NUF2: variants seen among roughly 807,000 people sequenced by gnomAD.
NUF2 encodes the protein NUF2 component of NDC80 kinetochore complex.
A neutral mutation model predicts 61.8 loss-of-function variants in NUF2; 34 were observed. The ratio of observed to expected loss-of-function variants is 0.55; its 90% CI spans 0.42 to 0.73. The LOEUF (loss-of-function observed/expected upper bound fraction) is 0.73, where lower values mean the gene tolerates loss of function less well. NUF2 is among the 30% of genes least tolerant of loss of function. The pLI is 0.00. For synonymous variants in NUF2, 172 were observed against 181.6 expected, an observed-to-expected ratio of 0.95 and a Z score of 0.42; for missense variants, 445 against 539.1, an observed-to-expected ratio of 0.83 and a Z score of 1.73.
chr1:163,330,622 T>C (rs1392724648), intron 5 of NUF2, among the ~76,000 whole-genome samples: 1 of 152,132 alleles, frequency 6.6e-6, no homozygotes, highest in Non-Finnish European at 1.5e-5. Flanking sequence ...GCCATTTTGA[T>C]TGAGATTACT....
intron 13 of NUF2, among the ~76,000 whole-genome samples, chr1:163,351,379 A>ATTTT (rs1651312523): frequency 6.6e-6 from 1 of 152,166 alleles, no homozygotes; most frequent in Non-Finnish European, 1.5e-5. Flanking sequence ...ATACTTTAGC[A>ATTTT]CAACTGTTAC....
At chr1:163,322,425 C>T (rs1371240585) in intron 1 of NUF2, among the ~76,000 whole-genome samples, 1 of 152,210 alleles carries the variant, frequency 6.6e-6, no homozygotes, top group Non-Finnish European at 1.5e-5. Flanking sequence ...TGCTTGTCAG[C>T]TTTTTACACA....
chr1:163,323,288 T>C (rs994669562), intron 1 of NUF2, among the ~76,000 whole-genome samples: 4 of 152,334 alleles, frequency 2.6e-5, no homozygotes, highest in Admixed American at 1.3e-4. Context: ...GAAAAGTGAC[T>C]TTTTCTGAAG....
At chr1:163,332,619 C>G (rs1650633507) in intron 5 of NUF2, among the ~76,000 whole-genome samples, 1 of 152,100 alleles carries the variant, frequency 6.6e-6, no homozygotes, top group Non-Finnish European at 1.5e-5. Flanking sequence ...CATTTCTCAG[C>G]TCATGACCTT....
chr1:163,328,133 T>G, intron 3 of NUF2, 95 bp from the exon 4 acceptor site: 1 of 724,238 alleles, frequency 1.4e-6, no homozygotes, highest in Non-Finnish European at 2.3e-6. Flanking sequence ...TTTAATTTAA[T>G]GATAGTGAGT....
chr1:163,343,677 G>C, intron 9 of NUF2, 56 bp from the exon 10 acceptor site: 1 of 852,434 alleles, frequency 1.2e-6, no homozygotes, highest in East Asian at 3.2e-5. Flanking sequence ...CCCATTACTA[G>C]AATGGTAAAT....
At chr1:163,330,193 G>A (rs1571377626) in intron 5 of NUF2, among the ~76,000 whole-genome samples, 1 of 152,166 alleles carries the variant, frequency 6.6e-6, no homozygotes, top group Non-Finnish European at 1.5e-5. Flanking sequence ...CTGAATTTGG[G>A]ATGATAATGA....
chr1:163,346,154 C>G (rs1171808701), intron 11 of NUF2: 1 of 156,656 alleles, frequency 6.4e-6, no homozygotes, highest in Non-Finnish European at 1.4e-5. Context: ...AGTAACAAAC[C>G]TTATATATAT....
At position 163,326,078 on chromosome 1, in the gene NUF2, T is replaced by C. The variant is rs1650407730; in HGVS notation, c.27T>C (p.Tyr9=). The change falls in exon 2 of 14, where the codon TAT becomes TAC. Residue 9 remains tyrosine, a synonymous_variant. Transcript: ENST00000271452. ...TGGAAACTTTGTCTTTCCCCAGATA[T>C]AATGTAGCTGAGATTGTGATTCATA... METLSFPR[Y]NVAEIVIHIR... is the part of the protein sequence containing the mutation. The C allele has an allele frequency of 4.3e-6, 7 of 1,612,366 alleles. No homozygotes were observed. The highest frequency in any genetic ancestry group is 5.9e-6 in the Non-Finnish European group (7 of 1,178,896).
intron 9 of NUF2, among the ~76,000 whole-genome samples, chr1:163,342,610 G>A (rs1650982300): frequency 6.6e-6 from 1 of 151,976 alleles, no homozygotes; most frequent in South Asian, 2.1e-4. Flanking sequence ...ACACAACACA[G>A]TAATACATTC....
chr1:163,350,480 T>C (rs1004512071), intron 13 of NUF2, among the ~76,000 whole-genome samples: 2 of 152,186 alleles, frequency 1.3e-5, no homozygotes, highest in Non-Finnish European at 2.9e-5. Context: ...TCATAAGAGA[T>C]ACCCATGCCT....
At position 163,355,570 on chromosome 1, in the gene NUF2, A is replaced by G; in HGVS notation, c.*101A>G. 9.9e-7 allele frequency: 1 copy of G among 1,009,418 alleles called. No homozygotes were observed. 62.5% of individuals were successfully genotyped at this position (1,009,418 alleles called of 1,614,324 possible). A position where few individuals can be genotyped will look rare whatever the true frequency, so the allele number is the denominator to read the frequency against. On this transcript the variant is annotated 3_prime_UTR_variant, in exon 14 of 14. Transcript: ENST00000271452. ...AATGGAAGTATCAGAAGTACCAAAT[A>G]ATGTTGGCTTCATCAGTTTTTATAC...
rs758392532 is a variant in NUF2 at position 163,355,496 on chromosome 1, A to G, written c.*27A>G. 3.2e-6 allele frequency: 5 copies of G among 1,568,878 alleles called. No homozygotes were observed. Among genetic ancestry groups the G allele is most frequent in the Non-Finnish European group, 4.3e-6 (5 of 1,159,026 alleles). On this transcript the variant is annotated 3_prime_UTR_variant, in exon 14 of 14. Transcript: ENST00000271452. ...TAACAAAATTACATGTCTTTTTGTAAATGGCTTGCCATCTTTTAATTTTCT... is the reference window on the plus strand; with the variant it reads ...TAACAAAATTACATGTCTTTTTGTAGATGGCTTGCCATCTTTTAATTTTCT...
At chr1:163,323,641 C>G (rs1488003146) in intron 1 of NUF2, among the ~76,000 whole-genome samples, 2 of 151,954 alleles carry the variant, frequency 1.3e-5, no homozygotes. Context: ...ATAGCTTGAG[C>G]CTGGGAGGTC....
At chr1:163,337,496 C>T (rs1454945762) in intron 6 of NUF2, among the ~76,000 whole-genome samples, 2 of 152,100 alleles carry the variant, frequency 1.3e-5, no homozygotes, top group Non-Finnish European at 2.9e-5. Flanking sequence ...CTTCTTTGCA[C>T]AAATCATGCT....
At chr1:163,349,254 T>C (rs1221376570) in intron 13 of NUF2, among the ~76,000 whole-genome samples, 174 bp downstream of exon 13, 1 of 152,138 alleles carries the variant, frequency 6.6e-6, no homozygotes. Flanking sequence ...TCATAAATAG[T>C]CCTAAGTTTA....
chr1:163,350,446 A>G (rs1013725690), intron 13 of NUF2, among the ~76,000 whole-genome samples: 3 of 152,188 alleles, frequency 2.0e-5, no homozygotes, highest in African/African-American at 7.2e-5. Context: ...ACTAACTCAA[A>G]TTCGAGGCAC....
intron 13 of NUF2, among the ~76,000 whole-genome samples, chr1:163,352,865 C>CAA (rs529145033): frequency 1.5e-5 from 2 of 134,344 alleles, no homozygotes; most frequent in Admixed American, 7.5e-5. Flanking sequence ...GACTCCGTCT[C>CAA]AAAAAAAAAA....
Position 163,349,095 on chromosome 1 carries a change from A to G in NUF2, c.1260+15A>G, listed in dbSNP as rs768417996. On this transcript the variant is annotated intron_variant, in intron 13 of 13. Transcript: ENST00000271452. ...TGAAGTCCCAGGTGAATATGTGTTC[A>G]TAAGAAGTTAATTTCAAATAATCTC... The G allele has an allele frequency of 5.1e-6, 8 of 1,582,954 alleles. No individual in the cohort carries two copies. The Admixed American group carries it at 1.4e-4, about 27-fold the overall frequency.
Sources: allele counts gnomAD v4.1 joint callset (sites outside exome capture counted in the v4.1 genomes callset), GRCh38; gene constraint gnomAD v4.1.1; transcripts MANE v1.5; gene names NCBI Gene and HGNC (gene_info 2026-07-23, HGNC 2026-07-21).